Variants in EFCAB14 observed in about 807,000 individuals in gnomAD.
EFCAB14 encodes EF-hand calcium binding domain 14.
A neutral mutation model predicts 56.5 loss-of-function variants in EFCAB14; 43 were observed. The ratio of observed to expected loss-of-function variants is 0.76; its 90% CI spans 0.60 to 0.98. EFCAB14 has a LOEUF of 0.98. Among genes scored for constraint, EFCAB14 ranks in the 50% least tolerant of loss-of-function variants. EFCAB14 has a pLI of 0.00. For synonymous variants in EFCAB14, 235 were observed against 212.9 expected, an observed-to-expected ratio of 1.10 and a Z score of -0.90; for missense variants, 538 against 580.3, an observed-to-expected ratio of 0.93 and a Z score of 0.75.
intron 8 of EFCAB14, chr1:46,685,121 G>A (rs1338137866): frequency 6.6e-6 from 1 of 152,388 alleles, no homozygotes; most frequent in Non-Finnish European, 1.5e-5. Flanking sequence ...TTTCTCCCTG[G>A]TGATGAGTCA....
intron 5 of EFCAB14, among the ~76,000 whole-genome samples, chr1:46,690,272 T>C (rs1676969713): frequency 6.6e-6 from 1 of 152,222 alleles, no homozygotes; most frequent in South Asian, 2.1e-4. Flanking sequence ...GAGACTGAAG[T>C]ATAACATGTT....
chr1:46,710,339 G>A (rs144817484), intron 2 of EFCAB14, among the ~76,000 whole-genome samples: 5 of 152,052 alleles, frequency 3.3e-5, no homozygotes, highest in Middle Eastern at 3.4e-3. Context: ...TCTTTGTGTC[G>A]GGAATATTTG....
intron 8 of EFCAB14, among the ~76,000 whole-genome samples, chr1:46,684,898 C>T (rs922750647): frequency 6.6e-6 from 1 of 152,176 alleles, no homozygotes; most frequent in Non-Finnish European, 1.5e-5. Flanking sequence ...AGGAAATGTA[C>T]CCTTGCTCAG....
At chr1:46,683,212 T>A in intron 10 of EFCAB14, 88 bp downstream of exon 10, 1 of 1,436,834 alleles carries the variant, frequency 7.0e-7, no homozygotes, top group Non-Finnish European at 9.5e-7. Context: ...AAATGTTAGA[T>A]CATATATATT....
chr1:46,702,607 C>T (rs1436362774), intron 3 of EFCAB14, among the ~76,000 whole-genome samples: 1 of 152,220 alleles, frequency 6.6e-6, no homozygotes, highest in African/African-American at 2.4e-5. Context: ...AAGGAGATCA[C>T]ATGTGCAGTG....
intron 7 of EFCAB14, among the ~76,000 whole-genome samples, chr1:46,688,127 C>A (rs771738244): frequency 6.6e-6 from 1 of 152,150 alleles, no homozygotes; most frequent in African/African-American, 2.4e-5. Flanking sequence ...GTAAGCGACT[C>A]GACCTCTCCG....
intron 4 of EFCAB14, among the ~76,000 whole-genome samples, chr1:46,693,846 A>G (rs1041803532): frequency 6.6e-6 from 1 of 152,242 alleles, no homozygotes; most frequent in Non-Finnish European, 1.5e-5. Context: ...AAATTCAAGA[A>G]TAAACCAGTT....
In EFCAB14 at chr1:46,677,345, T is replaced by A. The variant is rs1569669443; in HGVS notation, c.*1116A>T. Reference sequence around the variant, plus strand: ...TAAGGAAACTGAATATTATTTCACATGTTTCATCTCACAGCCTTTTTGGCT... The same window carrying A: ...TAAGGAAACTGAATATTATTTCACAAGTTTCATCTCACAGCCTTTTTGGCT... On this transcript the variant is annotated 3_prime_UTR_variant, in exon 11 of 11. Coordinates refer to ENST00000371933, the MANE Select transcript of EFCAB14 (RefSeq NM_014774.3). 1 of 152,182 alleles carries A rather than the reference T, an allele frequency of 6.6e-6. No homozygotes were observed. Among genetic ancestry groups the A allele is most frequent in the African/African-American group, 2.4e-5 (1 of 41,454 alleles). The allele number at this position is 152,182 out of a possible 1,614,324, so 9.4% of individuals were successfully genotyped here.
At position 46,688,455 on chromosome 1, in the gene EFCAB14, C is replaced by G. The variant is rs768122133; in HGVS notation, c.885G>C (p.Met295Ile). The G allele has an allele frequency of 1.2e-5, 19 of 1,613,876 alleles. No homozygotes were observed. The highest frequency in any genetic ancestry group is 1.5e-5 in the Non-Finnish European group (18 of 1,179,908). ...GGGTAAGATTACTGACTGTCTCGTT[C>G]ATTCCCTCGAGTTTAAGATCATTCT... is the stretch of plus-strand genomic sequence containing the variant. ...QRQNDLKLEG[M>I]NETVSNLTQR... is the part of the protein sequence containing the mutation. The change falls in exon 7 of 11, where the codon ATG (methionine) becomes ATC (isoleucine). Residue 295 changes from methionine (M) to isoleucine (I), a missense_variant. Transcript: ENST00000371933.
intron 10 of EFCAB14, among the ~76,000 whole-genome samples, chr1:46,680,473 C>G (rs1240892682): frequency 6.6e-6 from 1 of 152,178 alleles, no homozygotes; most frequent in African/African-American, 2.4e-5. Context: ...AAAGCACACA[C>G]AAGGCCACAT....
At chr1:46,716,111 G>A (rs761450853) in intron 2 of EFCAB14, among the ~76,000 whole-genome samples, 184 bp downstream of exon 2, 1 of 151,956 alleles carries the variant, frequency 6.6e-6, no homozygotes, top group Non-Finnish European at 1.5e-5. Context: ...TTAGCTGGGT[G>A]TGGTGGCACA....
At chr1:46,679,599 G>GCTTTTTTT (rs1676756096) in intron 10 of EFCAB14, among the ~76,000 whole-genome samples, 1 of 36,494 alleles carries the variant, frequency 2.7e-5, no homozygotes, top group Non-Finnish European at 4.8e-5. Context: ...CACCACGCCT[G>GCTTTTTTT]TTTTTTTTTT....
chr1:46,691,424 C>CT (rs1264981062), intron 5 of EFCAB14, among the ~76,000 whole-genome samples: 1 of 152,180 alleles, frequency 6.6e-6, no homozygotes, highest in African/African-American at 2.4e-5. Context: ...ATTTGGGAGT[C>CT]TAAGAGCCTT....
At chr1:46,692,467 T>C (rs1053225929) in intron 4 of EFCAB14, among the ~76,000 whole-genome samples, 1 of 152,244 alleles carries the variant, frequency 6.6e-6, no homozygotes, top group Admixed American at 6.5e-5. Context: ...ATATGCTTTC[T>C]AATCGCCATA....
chr1:46,686,993 A>G, intron 7 of EFCAB14, 123 bp from the exon 8 acceptor site: 2 of 871,550 alleles, frequency 2.3e-6, no homozygotes, highest in Non-Finnish European at 1.8e-6. Flanking sequence ...GAACACTCTC[A>G]ACAGAAATTG....
chr1:46,702,641 G>T (rs1677175771), intron 3 of EFCAB14, among the ~76,000 whole-genome samples: 1 of 152,210 alleles, frequency 6.6e-6, no homozygotes, highest in Non-Finnish European at 1.5e-5. Flanking sequence ...CTGGCACAAA[G>T]AAAGCATTTA....
At chr1:46,696,696 A>T (rs1557445439) in intron 3 of EFCAB14, 47 bp from the exon 4 acceptor site, 1 of 1,555,124 alleles carries the variant, frequency 6.4e-7, no homozygotes, top group Non-Finnish European at 8.9e-7. Flanking sequence ...GAGAATTTGT[A>T]GAGGACACGT....
chr1:46,718,107 G>A lies in EFCAB14; in HGVS notation c.-20C>T. 1 of 1,610,638 alleles carries A rather than the reference G, an allele frequency of 6.2e-7. No homozygotes were observed. Among genetic ancestry groups the A allele is most frequent in the East Asian group, 2.2e-5 (1 of 44,780 alleles). ...TTTCATCTTTTTGTGTGGGGTGAGTGGAGCCCCGACTCCTGAGCTGCCAGG... is the reference window on the plus strand; with the variant it reads ...TTTCATCTTTTTGTGTGGGGTGAGTAGAGCCCCGACTCCTGAGCTGCCAGG... On this transcript the variant is annotated 5_prime_UTR_variant, in exon 1 of 11. Coordinates refer to ENST00000371933, the MANE Select transcript of EFCAB14 (RefSeq NM_014774.3).
chr1:46,683,150 G>T, intron 10 of EFCAB14, 150 bp downstream of exon 10: 1 of 850,802 alleles, frequency 1.2e-6, no homozygotes, highest in Non-Finnish European at 1.8e-6. Context: ...TGGTTATCAG[G>T]ATTATATGAC....
Sources: gnomAD v4.1 joint callset for allele counts (sites outside exome capture counted in the v4.1 genomes callset) on GRCh38, gnomAD v4.1.1 for gene constraint, MANE v1.5 for transcripts, NCBI Gene and HGNC (gene_info 2026-07-23, HGNC 2026-07-21) for gene names.